Variants in DLC1 observed in about 807,000 individuals in gnomAD.
DLC1 encodes rho GTPase-activating protein 7.
Under a neutral mutation model 140.3 loss-of-function variants are expected in DLC1, and 54 were observed. The ratio of observed to expected loss-of-function variants is 0.38; its 90% CI spans 0.31 to 0.48. The LOEUF (loss-of-function observed/expected upper bound fraction) is 0.48. Among genes scored for constraint, DLC1 ranks in the 20% least tolerant of loss-of-function variants. The probability of loss-of-function intolerance (pLI) is 0.96; values close to 1 mark genes in which losing one functional copy is unlikely to be tolerated. For missense variants in DLC1, 2,536 were observed against 1,907.0 expected, an observed-to-expected ratio of 1.33 and a Z score of -6.14; for synonymous variants, 986 against 728.1, an observed-to-expected ratio of 1.35 and a Z score of -5.70.
chr8:13,370,600 G>A (rs1342795730), intron 4 of DLC1, among the ~76,000 whole-genome samples: 1 of 152,198 alleles, frequency 6.6e-6, no homozygotes, highest in East Asian at 1.9e-4. Context: ...ATATTAACGT[G>A]CATAACTGAA....
chr8:13,409,824 A>C (rs575448305), intron 2 of DLC1, among the ~76,000 whole-genome samples: 1 of 152,148 alleles, frequency 6.6e-6, no homozygotes, highest in Admixed American at 6.5e-5. Context: ...GTATACTTGT[A>C]TAGCTTTGGA....
In DLC1 at chr8:13,457,998, C is replaced by A. The variant is rs535331563; in HGVS notation, c.1023+41051G>T. ...ATAGAATAGGTTCAAGAAGGACCAA[C>A]ACAGACCACGAAGTTGGACAGTAAA... On this transcript the variant is annotated intron_variant, in intron 2 of 17. Coordinates refer to ENST00000276297, the MANE Select transcript of DLC1 (RefSeq NM_182643.3). Among the ~76,000 whole-genome samples, 5 of 152,226 alleles carry A rather than the reference C, an allele frequency of 3.3e-5. No homozygotes were observed. The East Asian group carries it at 9.7e-4, about 29-fold the overall frequency.
At chr8:13,213,931 C>G (rs1307608205) in intron 5 of DLC1, among the ~76,000 whole-genome samples, 1 of 151,948 alleles carries the variant, frequency 6.6e-6, no homozygotes, top group South Asian at 2.1e-4. Context: ...TTACAGGCGA[C>G]TCCCACCATG....
chr8:13,577,273 C>G (rs986396115), intron 1 of DLC1, among the ~76,000 whole-genome samples: 12 of 152,244 alleles, frequency 7.9e-5, no homozygotes, highest in African/African-American at 2.9e-4. Flanking sequence ...GGAGGGAGGT[C>G]TATAGAGCTG....
At chr8:13,115,491 G>T in intron 6 of DLC1, 95 bp downstream of exon 6, 5 of 1,173,090 alleles carry the variant, frequency 4.3e-6, no homozygotes, top group Non-Finnish European at 6.0e-6. Flanking sequence ...ACATTTAAAC[G>T]ATAAAACTGC....
intron 5 of DLC1, among the ~76,000 whole-genome samples, chr8:13,255,090 C>T (rs1183186778): frequency 6.6e-6 from 1 of 152,158 alleles, no homozygotes; most frequent in Non-Finnish European, 1.5e-5. Flanking sequence ...GATTCTCCTG[C>T]CTCAGCCTCC....
intron 1 of DLC1, among the ~76,000 whole-genome samples, chr8:13,507,092 A>G (rs978916909): frequency 1.3e-5 from 2 of 152,194 alleles, no homozygotes; most frequent in Non-Finnish European, 2.9e-5. Flanking sequence ...ACTCATGTCA[A>G]AGTAAATCTT....
intron 16 of DLC1, 70 bp downstream of exon 16, chr8:13,088,417 C>T: frequency 6.6e-7 from 1 of 1,509,970 alleles, no homozygotes; most frequent in Non-Finnish European, 9.1e-7. Flanking sequence ...CTTGTAAGAT[C>T]AGTGACATAT....
chr8:13,176,530 G>C (rs1056173362), intron 5 of DLC1, among the ~76,000 whole-genome samples: 3 of 152,270 alleles, frequency 2.0e-5, no homozygotes, highest in Admixed American at 1.3e-4. Flanking sequence ...AGTGAGCCAA[G>C]ATTGTGCCAC....
At position 13,451,089 on chromosome 8, in the gene DLC1, A is replaced by C. The variant is rs527962093; in HGVS notation, c.1023+47960T>G. Among the ~76,000 whole-genome samples the C allele has an allele frequency of 2.0e-5, 3 of 149,566 alleles. No individual in the cohort carries two copies. In the South Asian group the frequency reaches 6.4e-4, roughly 32 times the overall value. On this transcript the variant is annotated intron_variant, in intron 2 of 17. Transcript: ENST00000276297. ...AAAAAGAAAAAAAGAAAAAGGATAG[A>C]TATAGGTCAAATTTTCTTAAGATAA...
chr8:13,230,095 A>G lies in DLC1; in HGVS notation c.1348+75174T>C, dbSNP rs1828976871. 1.3e-5 allele frequency among the ~76,000 whole-genome samples: 2 copies of G among 152,210 alleles called. 1 individual carries two copies. Among genetic ancestry groups the G allele is most frequent in the South Asian group, 4.1e-4 (2 of 4,828 alleles). ...TTGCTCTTCCTAATGAGCCTTTGCT[A>G]CTTTATGAGGTTCACTGATTTCATG... On this transcript the variant is annotated intron_variant, in intron 5 of 17. Transcript: ENST00000276297.
chr8:13,586,552 C>G (rs998935617), intron 1 of DLC1, among the ~76,000 whole-genome samples: 1 of 149,610 alleles, frequency 6.7e-6, no homozygotes, highest in Admixed American at 6.7e-5. Flanking sequence ...TTTAATTAGA[C>G]TTTTTTAAAT....
chr8:13,200,039 A>G (rs1207920489), intron 5 of DLC1, among the ~76,000 whole-genome samples: 1 of 152,040 alleles, frequency 6.6e-6, no homozygotes, highest in East Asian at 1.9e-4. Flanking sequence ...CTATAAGAGA[A>G]GTACTATTAT....
intron 4 of DLC1, among the ~76,000 whole-genome samples, chr8:13,322,776 T>C (rs1166489711): frequency 6.6e-6 from 1 of 152,220 alleles, no homozygotes; most frequent in Non-Finnish European, 1.5e-5. Flanking sequence ...TAGAGCTTGC[T>C]ATGATGAGTT....
chr8:13,584,645 C>A (rs1473954302), intron 1 of DLC1: 1 of 152,110 alleles, frequency 6.6e-6, no homozygotes. Context: ...GTGCAAGATT[C>A]CTGATGAGAG....
At chr8:13,101,980 G>C (rs559919595) in intron 8 of DLC1, among the ~76,000 whole-genome samples, 2 of 152,238 alleles carry the variant, frequency 1.3e-5, no homozygotes, top group African/African-American at 4.8e-5. Flanking sequence ...GGCAAGCATG[G>C]AGCGCTGGCT....
chr8:13,169,092 C>T (rs144967512), intron 5 of DLC1, among the ~76,000 whole-genome samples: 1 of 152,296 alleles, frequency 6.6e-6, no homozygotes, highest in Middle Eastern at 3.4e-3. Context: ...TGTTATGGAT[C>T]AGAAGGAAAT....
At chr8:13,109,834 G>A (rs1436995863) in intron 7 of DLC1, among the ~76,000 whole-genome samples, 1 of 148,574 alleles carries the variant, frequency 6.7e-6, no homozygotes, top group East Asian at 2.1e-4. Flanking sequence ...GCAGTGAGCC[G>A]AGACCACGCC....
intron 5 of DLC1, among the ~76,000 whole-genome samples, chr8:13,196,815 T>C (rs1307265883): frequency 6.6e-6 from 1 of 152,202 alleles, no homozygotes; most frequent in African/African-American, 2.4e-5. Flanking sequence ...AATCATGGCT[T>C]CAAATGAGAT....
Sources: gnomAD v4.1 joint callset for allele counts (sites outside exome capture counted in the v4.1 genomes callset) on GRCh38, gnomAD v4.1.1 for gene constraint, MANE v1.5 for transcripts, NCBI Gene and HGNC (gene_info 2026-07-23, HGNC 2026-07-21) for gene names.